NUFIP2: variants seen among roughly 807,000 people sequenced by gnomAD.
NUFIP2 encodes the protein FMR1-interacting protein NUFIP2.
A neutral mutation model predicts 56.9 loss-of-function variants in NUFIP2; 6 were observed. The observed-to-expected ratio is 0.11, with a 90% CI of 0.06 to 0.21. NUFIP2 has a LOEUF of 0.21. Among genes scored for constraint, NUFIP2 ranks in the 10% least tolerant of loss-of-function variants. The pLI, the probability that NUFIP2 is intolerant of heterozygous loss-of-function variation, is 1.00. For synonymous variants in NUFIP2, 321 were observed against 298.2 expected (o/e 1.08, Z -0.79); for missense variants, 828 against 826.8 (o/e 1.00, Z -0.02).
At chr17:29,279,442 C>A (rs933920559) in intron 2 of NUFIP2, among the ~76,000 whole-genome samples, 9 of 152,186 alleles carry the variant, frequency 5.9e-5, no homozygotes, top group African/African-American at 2.2e-4. Context: ...AGAAACTGAT[C>A]TTCTAGTCAA....
rs1348090129 is a variant in NUFIP2 at position 29,294,018 on chromosome 17, G to C, written c.42C>G (p.His14Gln). Residue 14 changes from histidine to glutamine, a missense_variant, in exon 1 of 4, where the codon CAC becomes CAG. Around this residue, in one of 3 missense-constraint regions of NUFIP2, gnomAD observed 415 missense variants for 408.7 expected, o/e 1.02. Coordinates refer to ENST00000225388, the MANE Select transcript of NUFIP2 (RefSeq NM_020772.3). ...KPGQPQPQHH[H>Q]SHHHPHHHPQ... is the part of the protein sequence containing the mutation. ...GGTGATGGTGCGGATGGTGGTGGCT[G>C]TGATGGTGCTGAGGCTGTGGCTGGC... 17 of 1,612,386 alleles carry C rather than the reference G, an allele frequency of 1.1e-5. No individual in the cohort carries two copies. The highest frequency in any genetic ancestry group is 3.3e-5 in the Admixed American group (2 of 59,942).
At chr17:29,269,604 G>T (rs957885467) in intron 2 of NUFIP2, among the ~76,000 whole-genome samples, 1 of 151,908 alleles carries the variant, frequency 6.6e-6, no homozygotes, top group African/African-American at 2.4e-5. Flanking sequence ...AATCTCCTGG[G>T]TTCAAGCAAT....
chr17:29,287,246 T>C lies in NUFIP2; in HGVS notation c.748A>G (p.Ser250Gly), dbSNP rs1455713796. The change falls in exon 2 of 4, where the codon AGT becomes GGT. Residue 250 changes from serine to glycine, a missense_variant. Transcript: ENST00000225388. ...VQDKIMQQET[S>G]VPTLKQGLET... is the part of the protein sequence containing the mutation. ...AGTCCCTGTTTTAAGGTTGGGACAC[T>C]GGTCTCTTGTTGCATTATTTTGTCC... 1.9e-6 allele frequency: 3 copies of C among 1,614,098 alleles called. No individual in the cohort carries two copies. The highest frequency in any genetic ancestry group is 2.2e-5 in the East Asian group (1 of 44,900).
In NUFIP2 at chr17:29,286,175, T is replaced by C. The variant is rs1469225020; in HGVS notation, c.1819A>G (p.Ser607Gly). The change falls in exon 2 of 4, where the codon AGT (serine) becomes GGT (glycine). Residue 607 changes from serine to glycine, a missense_variant. Ser to Gly is a moderately conservative substitution (Grantham distance 56). This residue lies in a region of NUFIP2 where 404 missense variants were observed against 380.3 expected (regional missense o/e 1.06). Transcript: ENST00000225388. The stretch of plus-strand genomic sequence containing the variant: ...AGAAACACTAAAGCACCTTGACTAC[T>C]GGTGTCTGCTTTCTGCAGGTCACCT... ...HIGDLQKADTSSQGALVFLSK... is the reference protein window; with the variant it reads ...HIGDLQKADTGSQGALVFLSK... 1 of 1,613,932 alleles carries C rather than the reference T, an allele frequency of 6.2e-7. No homozygotes were observed. The highest frequency in any genetic ancestry group is 1.3e-5 in the African/African-American group (1 of 74,910).
intron 1 of NUFIP2, among the ~76,000 whole-genome samples, chr17:29,292,881 C>CG (rs1375853349): frequency 0.041 from 3,379 of 81,606 alleles, 441 homozygotes; most frequent in African/African-American, 0.058. Flanking sequence ...CGGCCGGCGA[C>CG]GGGGGGGGGG....
chr17:29,264,646 T>TA, intron 3 of NUFIP2, 55 bp from the exon 4 acceptor site: 1 of 1,123,058 alleles, frequency 8.9e-7, no homozygotes, highest in Non-Finnish European at 1.3e-6. Context: ...AAAATGCCCG[T>TA]ATTCCAATAA....
chr17:29,266,464 C>CCTGAAATTCTAGGAATTTCACATCCAT (rs1275502300), intron 3 of NUFIP2, among the ~76,000 whole-genome samples: 1 of 151,866 alleles, frequency 6.6e-6, no homozygotes, highest in Non-Finnish European at 1.5e-5. Context: ...CATTTCAAGT[C>CCTGAAATTCTAGGAATTTCACATCCAT]CTGAAATTCT....
At position 29,293,861 on chromosome 17, in the gene NUFIP2, T is replaced by C. The variant is rs1460895215; in HGVS notation, c.199A>G (p.Lys67Glu). 2 of 1,613,070 alleles carry C rather than the reference T, an allele frequency of 1.2e-6. No homozygotes were observed. The highest frequency in any genetic ancestry group is 1.3e-5 in the African/African-American group (1 of 74,866). The change falls in exon 1 of 4, where the codon AAG (lysine) becomes GAG (glutamate). Residue 67 changes from lysine to glutamate, a missense_variant. Lys to Glu is a moderately conservative substitution (Grantham distance 56, BLOSUM62 1). This residue lies in a region of NUFIP2 where 415 missense variants were observed against 408.7 expected (regional missense o/e 1.02). Coordinates refer to ENST00000225388, the MANE Select transcript of NUFIP2 (RefSeq NM_020772.3). ...YLQHGAEGSP[K>E]AQPKPLKHEQ... ...TGTTTCAGCGGCTTTGGCTGGGCCT[T>C]GGGGCTGCCCTCGGCTCCATGCTGC... is the stretch of plus-strand genomic sequence containing the variant.
intron 1 of NUFIP2, among the ~76,000 whole-genome samples, chr17:29,292,829 G>A (rs1300725266): frequency 7.0e-6 from 1 of 143,238 alleles, no homozygotes; most frequent in Non-Finnish European, 1.5e-5. Flanking sequence ...TCACCCCAGG[G>A]ACCCGCCCGG....
intron 2 of NUFIP2, among the ~76,000 whole-genome samples, chr17:29,277,824 C>T (rs1234240458): frequency 6.6e-6 from 1 of 151,998 alleles, no homozygotes; most frequent in African/African-American, 2.4e-5. Context: ...ACCAGCCTGA[C>T]CAACATGGTG....
intron 1 of NUFIP2, 57 bp from the exon 2 acceptor site, chr17:29,287,773 A>G: frequency 7.0e-7 from 1 of 1,435,940 alleles, no homozygotes; most frequent in Non-Finnish European, 9.3e-7. Flanking sequence ...AAATTACACT[A>G]ATACCTAACA....
intron 2 of NUFIP2, among the ~76,000 whole-genome samples, chr17:29,284,431 C>G (rs547233991): frequency 1.3e-5 from 2 of 152,238 alleles, no homozygotes; most frequent in East Asian, 3.9e-4. Context: ...TGAGGCCTGG[C>G]ACGGTGGCTC....
intron 2 of NUFIP2, among the ~76,000 whole-genome samples, chr17:29,279,646 A>G (rs1169100398): frequency 1.3e-5 from 2 of 152,090 alleles, no homozygotes; most frequent in Non-Finnish European, 2.9e-5. Flanking sequence ...GATATCCTCC[A>G]TCTCAGCCTC....
chr17:29,282,480 G>A (rs191708597), intron 2 of NUFIP2, among the ~76,000 whole-genome samples: 40 of 151,576 alleles, frequency 2.6e-4, no homozygotes, highest in African/African-American at 3.4e-4. Flanking sequence ...CCCAGGGGGC[G>A]GAGGTTGCAG....
chr17:29,284,650 G>A (rs1446116997), intron 2 of NUFIP2, among the ~76,000 whole-genome samples: 2 of 131,940 alleles, frequency 1.5e-5, no homozygotes, highest in Non-Finnish European at 3.1e-5. Context: ...AGGTTGCAGT[G>A]AGTCAAGATT....
At chr17:29,285,417 C>G (rs989112530) in intron 2 of NUFIP2, among the ~76,000 whole-genome samples, 1 of 151,732 alleles carries the variant, frequency 6.6e-6, no homozygotes, top group Non-Finnish European at 1.5e-5. Context: ...ATGGTGAAAC[C>G]CCGTCTCTAC....
intron 2 of NUFIP2, among the ~76,000 whole-genome samples, chr17:29,282,566 C>G (rs2069146927): frequency 6.6e-6 from 1 of 150,612 alleles, no homozygotes; most frequent in South Asian, 2.1e-4. Context: ...AAAAAACCAC[C>G]AAAAAACAAA....
In NUFIP2 at chr17:29,264,552, C is replaced by T. The variant is rs1189255640; in HGVS notation, c.2075G>A (p.Ser692Asn). The T allele has an allele frequency of 8.1e-6, 13 of 1,608,078 alleles. No individual in the cohort carries two copies. The highest frequency in any genetic ancestry group is 1.1e-5 in the Non-Finnish European group (13 of 1,175,070). ...CAGTCTGGTCCTTCATTGATCTGGA[C>T]TATCCATGGCTTCATTGTAAGTGAT... ...RIITYNEAMD[S>N]PDQ The change falls in exon 4 of 4, where the codon AGT (serine) becomes AAT (asparagine). Residue 692 changes from serine to asparagine, a missense_variant. By Grantham distance (46) the Ser-to-Asn change is conservative. Coordinates refer to ENST00000225388, the MANE Select transcript of NUFIP2 (RefSeq NM_020772.3).
chr17:29,279,797 G>A (rs1277374330), intron 2 of NUFIP2, among the ~76,000 whole-genome samples: 1 of 152,138 alleles, frequency 6.6e-6, no homozygotes, highest in Non-Finnish European at 1.5e-5. Context: ...ATAGGCAAGA[G>A]CCACAGTACC....
Sources: gnomAD v4.1 joint callset for allele counts (sites outside exome capture counted in the v4.1 genomes callset) on GRCh38, gnomAD v4.1.1 for gene constraint, gnomAD v4.1.1 regional missense constraint, MANE v1.5 for transcripts, NCBI Gene and HGNC (gene_info 2026-07-23, HGNC 2026-07-21) for gene names.